The following MRTFB variants were observed in gnomAD, a reference collection of about 807,000 sequenced individuals.
The protein encoded by MRTFB is myocardin-related transcription factor B.
In MRTFB, 29 loss-of-function variants were observed where a neutral mutation model predicts 104.2. The observed-to-expected ratio is 0.28, with a 90% CI of 0.21 to 0.38. The LOEUF (loss-of-function observed/expected upper bound fraction) is 0.38, where lower values mean the gene tolerates loss of function less well. MRTFB is among the 10% of genes least tolerant of loss of function. The pLI is 1.00. For synonymous variants in MRTFB, 535 were observed against 519.5 expected (o/e 1.03, Z -0.41); for missense variants, 1,270 against 1,341.6 (o/e 0.95, Z 0.83).
the MRTFB span, among the ~76,000 whole-genome samples, chr16:14,058,070 C>G: frequency 6.6e-6 from 1 of 152,030 alleles, no homozygotes; most frequent in African/African-American, 2.4e-5. Flanking sequence ...ACGGAGAGCC[C>G]GTATTTTCTT....
the MRTFB span, among the ~76,000 whole-genome samples, chr16:14,035,770 A>G: frequency 6.6e-6 from 1 of 152,116 alleles, no homozygotes; most frequent in Non-Finnish European, 1.5e-5. Context: ...GTATTTGGTT[A>G]CATGAGTAAC....
chr16:14,098,015 A>G (rs2035487339), intron 2 of MRTFB, among the ~76,000 whole-genome samples: 1 of 152,200 alleles, frequency 6.6e-6, no homozygotes, highest in Admixed American at 6.5e-5. Context: ...GTTGATGGCC[A>G]TTTGGGTATT....
the MRTFB span, among the ~76,000 whole-genome samples, chr16:14,030,390 AT>A: frequency 1.3e-5 from 2 of 151,750 alleles, no homozygotes; most frequent in East Asian, 3.9e-4. Flanking sequence ...TGGTTCTGCT[AT>A]TTTCTTGCTG....
At chr16:14,059,997 ATTTTTTTTTTTTTT>A in the MRTFB span, among the ~76,000 whole-genome samples, 1 of 99,718 alleles carries the variant, frequency 1.0e-5, no homozygotes, top group African/African-American at 5.2e-5. Context: ...GAGACATGTA[ATTTTTTTTTTTTTT>A]TTTTTTTTTT....
intron 2 of MRTFB, among the ~76,000 whole-genome samples, chr16:14,111,310 G>C (rs191395817): frequency 2.0e-5 from 3 of 152,270 alleles, no homozygotes; most frequent in Non-Finnish European, 4.4e-5. Context: ...TTTTGAGTCA[G>C]AGAGAAGGAA....
chr16:14,044,214 C>T, the MRTFB span, among the ~76,000 whole-genome samples: 22 of 152,318 alleles, frequency 1.4e-4, no homozygotes, highest in East Asian at 4.1e-3. Context: ...AGATGATCCT[C>T]ACCTAGGTTC....
the MRTFB span, among the ~76,000 whole-genome samples, chr16:14,049,461 AAG>A: frequency 1.3e-5 from 2 of 152,250 alleles, no homozygotes; most frequent in Admixed American, 6.5e-5. Flanking sequence ...CTTTGCTAAA[AAG>A]AGTTAGGTCA....
rs1479420137 is a variant in MRTFB at position 14,211,367 on chromosome 16, G to A, written c.221-987G>A. On this transcript the variant is annotated intron_variant, in intron 4 of 16. Transcript: ENST00000571589. ...GCTAGGCCAGCTCTAATCTGCTTTCGGGTGCTGGTCCTCAGCCAAACCTGA... is the reference window on the plus strand; with the variant it reads ...GCTAGGCCAGCTCTAATCTGCTTTCAGGTGCTGGTCCTCAGCCAAACCTGA... Among the ~76,000 whole-genome samples, 5 of 152,094 alleles carry A rather than the reference G, an allele frequency of 3.3e-5. No homozygotes were observed. In the South Asian group the frequency reaches 6.2e-4, roughly 19 times the overall value.
In MRTFB at chr16:14,240,262, A is replaced by C. The variant is rs746804147; in HGVS notation, c.857A>C (p.Asp286Ala). ...VKQSHPKNPNDKHRSKKCKDP... is the reference protein window; with the variant it reads ...VKQSHPKNPNAKHRSKKCKDP... ...CAAAGCCATCCCAAGAATCCAAATG[A>C]CAAACACCGTAGCAAAAAGTGCAAA... Residue 286 changes from aspartate (D) to alanine (A), a missense_variant, in exon 10 of 17, where the codon GAC becomes GCC. By Grantham distance (126) the Asp-to-Ala change is moderately radical. Around this residue, in one of 3 missense-constraint regions of MRTFB, gnomAD observed 1,144 missense variants for 1,131.5 expected, o/e 1.01. Transcript: ENST00000571589. The C allele has an allele frequency of 1.0e-5, 16 of 1,608,018 alleles. No homozygotes were observed. In the Admixed American group the frequency reaches 2.4e-4, roughly 24 times the overall value.
chr16:14,007,386 C>T, the MRTFB span, among the ~76,000 whole-genome samples: 1 of 152,166 alleles, frequency 6.6e-6, no homozygotes, highest in African/African-American at 2.4e-5. Flanking sequence ...CTTTTAAGTT[C>T]CCCCATGTTG....
In MRTFB at chr16:14,240,324, C is replaced by G; in HGVS notation, c.919C>G (p.Gln307Glu). 6.2e-7 allele frequency: 1 copy of G among 1,614,126 alleles called. No individual in the cohort carries two copies. The highest frequency in any genetic ancestry group is 8.5e-7 in the Non-Finnish European group (1 of 1,180,020). ...KPRVKKLKYH[Q>E]YIPPDQKGEK... ...ACGGGTAAAGAAGTTAAAGTACCAC[C>G]AATACATTCCACCAGATCAGAAGGG... The change falls in exon 10 of 17, where the codon CAA becomes GAA. Residue 307 changes from glutamine (Q) to glutamate (E), a missense_variant. Gln to Glu is a conservative substitution (Grantham distance 29). Transcript: ENST00000571589.
chr16:14,044,157 G>A, the MRTFB span, among the ~76,000 whole-genome samples: 101 of 152,306 alleles, frequency 6.6e-4, no homozygotes, highest in African/African-American at 2.4e-3. Context: ...CAGTCAGTCA[G>A]TCAGTCAGTC....
chr16:14,119,971 G>T (rs966756002), intron 2 of MRTFB, among the ~76,000 whole-genome samples: 1 of 152,122 alleles, frequency 6.6e-6, no homozygotes, highest in Non-Finnish European at 1.5e-5. Context: ...CAGAATTTCT[G>T]TTGCCTCATA....
At chr16:14,208,784 T>C (rs921911889) in intron 3 of MRTFB, among the ~76,000 whole-genome samples, 1 of 152,192 alleles carries the variant, frequency 6.6e-6, no homozygotes, top group Admixed American at 6.5e-5. Context: ...TCAATCAACT[T>C]AGGGAAAAGA....
chr16:14,090,879 GGTGTGTGTGT>G (rs55685117), intron 2 of MRTFB, among the ~76,000 whole-genome samples: 24 of 141,786 alleles, frequency 1.7e-4, no homozygotes, highest in African/African-American at 5.5e-4. Context: ...AGTTCAGCAT[GGTGTGTGTGT>G]GTGTGTGTGT....
chr16:14,230,519 A>C (rs578026486), intron 8 of MRTFB, among the ~76,000 whole-genome samples: 1 of 152,268 alleles, frequency 6.6e-6, no homozygotes, highest in African/African-American at 2.4e-5. Flanking sequence ...GCAGCCAAAA[A>C]ACACATGAAA....
At chr16:14,039,936 T>C in the MRTFB span, among the ~76,000 whole-genome samples, 1 of 151,988 alleles carries the variant, frequency 6.6e-6, no homozygotes, top group Non-Finnish European at 1.5e-5. Flanking sequence ...TTAGTAGAGA[T>C]GGGGTTTCTC....
At chr16:14,022,388 T>A in the MRTFB span, among the ~76,000 whole-genome samples, 1 of 152,134 alleles carries the variant, frequency 6.6e-6, no homozygotes, top group Non-Finnish European at 1.5e-5. Context: ...TAAATAAAAT[T>A]GTATATGCAA....
At chr16:14,111,843 A>G (rs1249279672) in intron 2 of MRTFB, among the ~76,000 whole-genome samples, 1 of 152,104 alleles carries the variant, frequency 6.6e-6, no homozygotes, top group Non-Finnish European at 1.5e-5. Context: ...AAATGCTGAA[A>G]ACACAGAAGG....
Sources: gnomAD v4.1 joint callset for allele counts (sites outside exome capture counted in the v4.1 genomes callset) on GRCh38, gnomAD v4.1.1 for gene constraint, gnomAD v4.1.1 regional missense constraint, MANE v1.5 for transcripts, NCBI Gene and HGNC (gene_info 2026-07-23, HGNC 2026-07-21) for gene names.